FAM47E: variants seen among roughly 807,000 people sequenced by gnomAD.
FAM47E encodes family with sequence similarity 47 member E, also known as protein FAM47E.
A neutral mutation model predicts 41.6 loss-of-function variants in FAM47E; 32 were observed. That is an observed-to-expected ratio of 0.77 (90% CI 0.58 to 1.03). The LOEUF (loss-of-function observed/expected upper bound fraction) is 1.03, where lower values mean the gene tolerates loss of function less well. Ranked by LOEUF, FAM47E falls within the 50% of genes least tolerant of loss-of-function variation. FAM47E has a pLI of 0.00. For synonymous variants in FAM47E, 184 were observed against 188.7 expected (o/e 0.98, Z 0.20); for missense variants, 424 against 485.4 (o/e 0.87, Z 1.19).
intron 2 of FAM47E, among the ~76,000 whole-genome samples, chr4:76,246,310 AATCTGGCTGGCC>A (rs1288219359): frequency 3.3e-5 from 5 of 152,264 alleles, no homozygotes; most frequent in African/African-American, 9.6e-5. Flanking sequence ...CCGTTGTTGC[AATCTGGCTGGCC>A]ATCTTCCTGA....
At chr4:76,266,924 G>A (rs1473531348) in intron 3 of FAM47E, among the ~76,000 whole-genome samples, 1 of 152,138 alleles carries the variant, frequency 6.6e-6, no homozygotes, top group Non-Finnish European at 1.5e-5. Flanking sequence ...CATTTACATG[G>A]TTTGACCCCT....
intron 2 of FAM47E, among the ~76,000 whole-genome samples, chr4:76,224,516 A>G (rs2109981874): frequency 6.6e-6 from 1 of 152,324 alleles, no homozygotes; most frequent in African/African-American, 2.4e-5. Flanking sequence ...AGATGTTCAT[A>G]CATCTTAAAA....
At chr4:76,260,586 T>C (rs1273873301) in intron 2 of FAM47E, among the ~76,000 whole-genome samples, 1 of 152,146 alleles carries the variant, frequency 6.6e-6, no homozygotes, top group African/African-American at 2.4e-5. Flanking sequence ...AAGACTTAAA[T>C]GTAAGACCTG....
At chr4:76,276,441 C>T (rs1288463303) in intron 5 of FAM47E, among the ~76,000 whole-genome samples, 1 of 151,774 alleles carries the variant, frequency 6.6e-6, no homozygotes, top group Non-Finnish European at 1.5e-5. Flanking sequence ...GGCGTGATCC[C>T]AGCTCACTGC....
chr4:76,222,874 G>T (rs895515454), intron 2 of FAM47E, among the ~76,000 whole-genome samples: 2 of 152,192 alleles, frequency 1.3e-5, no homozygotes, highest in African/African-American at 2.4e-5. Context: ...CCTAGTTTAA[G>T]TCTTGGTCAG....
At chr4:76,270,482 C>A (rs571373891) in intron 4 of FAM47E, among the ~76,000 whole-genome samples, 9 of 152,158 alleles carry the variant, frequency 5.9e-5, no homozygotes, top group Non-Finnish European at 1.2e-4. Context: ...GACAGAGACT[C>A]CTCAGAGGGT....
intron 3 of FAM47E, among the ~76,000 whole-genome samples, chr4:76,265,591 T>G (rs1734597800): frequency 7.6e-6 from 1 of 131,710 alleles, no homozygotes; most frequent in Admixed American, 7.9e-5. Context: ...ATTTCCTGAG[T>G]GACAGGAATG....
At chr4:76,252,589 T>C (rs1430793705) in intron 1 of FAM47E, among the ~76,000 whole-genome samples, 2 of 152,160 alleles carry the variant, frequency 1.3e-5, no homozygotes, top group Non-Finnish European at 2.9e-5. Flanking sequence ...TCTAAGATTG[T>C]CGTGAGGATT....
Position 76,228,203 on chromosome 4 carries a change from C to T in FAM47E, c.81+10515C>T, listed in dbSNP as rs549593247. Among the ~76,000 whole-genome samples, 148 of 152,022 alleles carry T rather than the reference C, an allele frequency of 9.7e-4. No homozygotes were observed. The Middle Eastern group carries it at 0.014, about 14-fold the overall frequency. On this transcript the variant is annotated intron_variant, in intron 2 of 7. Coordinates refer to the FAM47E transcript ENST00000510197. ...TTCAAGATTTAGAATCCCAGCTGGGCGCAGTGGCTCACACCTGTAATCCCA... is the reference window on the plus strand; with the variant it reads ...TTCAAGATTTAGAATCCCAGCTGGGTGCAGTGGCTCACACCTGTAATCCCA...
At chr4:76,279,588 T>A (rs1204703494) in intron 6 of FAM47E, 1 of 152,228 alleles carries the variant, frequency 6.6e-6, no homozygotes, top group Admixed American at 6.5e-5. Context: ...ACAATAATTT[T>A]TATAAATCAC....
At chr4:76,229,164 AGT>A (rs1430189386) in intron 2 of FAM47E, among the ~76,000 whole-genome samples, 1 of 151,914 alleles carries the variant, frequency 6.6e-6, no homozygotes, top group Non-Finnish European at 1.5e-5. Context: ...TATTTTTCTA[AGT>A]GTGTCTTTGA....
chr4:76,280,433 A>G (rs2110029898), intron 7 of FAM47E, 92 bp downstream of exon 7: 1 of 697,578 alleles, frequency 1.4e-6, no homozygotes, highest in South Asian at 2.0e-5. Flanking sequence ...ACAAACCCAA[A>G]TAGTTCTCTT....
chr4:76,232,343 A>G (rs1733506930), intron 2 of FAM47E, among the ~76,000 whole-genome samples: 3 of 152,202 alleles, frequency 2.0e-5, no homozygotes, highest in Non-Finnish European at 4.4e-5. Context: ...TTCCAATGTC[A>G]CAATCTCCAA....
chr4:76,276,047 C>CAA (rs966524825), intron 5 of FAM47E, among the ~76,000 whole-genome samples: 7 of 98,210 alleles, frequency 7.1e-5, no homozygotes, highest in Non-Finnish European at 1.2e-4. Context: ...GACACACACA[C>CAA]ACACACACAC....
intron 2 of FAM47E, among the ~76,000 whole-genome samples, chr4:76,257,808 C>T (rs1734253114): frequency 6.6e-6 from 1 of 152,096 alleles, no homozygotes; most frequent in African/African-American, 2.4e-5. Context: ...TTCACTGTAG[C>T]ACTTGCCACC....
At chr4:76,263,575 A>G (rs1405550530) in intron 2 of FAM47E, 129 bp from the exon 3 acceptor site, 1 of 1,102,124 alleles carries the variant, frequency 9.1e-7, no homozygotes, top group Non-Finnish European at 1.3e-6. Context: ...CTTGGCACAG[A>G]AGTTGGTGAA....
At chr4:76,258,118 C>T (rs1401591486) in intron 2 of FAM47E, among the ~76,000 whole-genome samples, 2 of 152,098 alleles carry the variant, frequency 1.3e-5, no homozygotes, top group South Asian at 2.1e-4. Flanking sequence ...GGGATTGTGG[C>T]GCTTATTTCC....
At chr4:76,277,312 G>A (rs6858114) in intron 5 of FAM47E, among the ~76,000 whole-genome samples, 56,507 of 151,532 alleles carry the variant, frequency 0.37, 10,957 homozygotes, top group Middle Eastern at 0.48. Context: ...GTGAAACCCC[G>A]TCTCTACTAA....
chr4:76,283,455 A>G lies in FAM47E; in HGVS notation c.1179A>G (p.Ala393=). ...AGACTCCTATAAAACGAACTCAAGC[A>G]TAGAAGAATCGTAGGAGAATGATTA... The part of the protein sequence containing the change: ...CNKTPIKRTQ[A] Residue 393 remains alanine (A), a synonymous_variant, in exon 8 of 8, where the codon GCA becomes GCG. Coordinates refer to ENST00000424749, the MANE Select transcript of FAM47E (RefSeq NM_001136570.3). The G allele has an allele frequency of 1.3e-6, 2 of 1,528,790 alleles. No individual in the cohort carries two copies. The highest frequency in any genetic ancestry group is 1.8e-6 in the Non-Finnish European group (2 of 1,126,438). The allele number at this position is 1,528,790 out of a possible 1,614,324, so 94.7% of individuals were successfully genotyped here.
Sources: allele counts gnomAD v4.1 joint callset (sites outside exome capture counted in the v4.1 genomes callset), GRCh38; gene constraint gnomAD v4.1.1; transcripts MANE v1.5; gene names NCBI Gene and HGNC (gene_info 2026-07-23, HGNC 2026-07-21).